The following ARMH1 variants were observed in gnomAD, a reference collection of about 807,000 sequenced individuals.
ARMH1 encodes armadillo like helical domain containing 1.
A neutral mutation model predicts 50.2 loss-of-function variants in ARMH1; 34 were observed. The ratio of observed to expected loss-of-function variants is 0.68; its 90% CI spans 0.51 to 0.90. The LOEUF (loss-of-function observed/expected upper bound fraction) is 0.90, where lower values mean the gene tolerates loss of function less well. ARMH1 is among the 40% of genes least tolerant of loss of function. ARMH1 has a pLI of 0.00. For synonymous variants in ARMH1, 221 were observed against 224.2 expected, an observed-to-expected ratio of 0.99 and a Z score of 0.13; for missense variants, 538 against 553.9, an observed-to-expected ratio of 0.97 and a Z score of 0.29.
chr1:44,681,062 T>A lies in ARMH1; in HGVS notation c.-23+6189T>A, dbSNP rs1024306444. ...CAGGCTGGAGTGTAGTGGCGTGATC[T>A]CGGCTCACTGCAAGCTCCACCTCCC... On this transcript the variant is annotated intron_variant, in intron 1 of 11. Coordinates refer to ENST00000535358, the MANE Select transcript of ARMH1 (RefSeq NM_001145636.2). This position sits in a 1 kb window ranked among gnomAD's most constrained non-coding sequence, Gnocchi z 4.3. Among the ~76,000 whole-genome samples, 1 of 150,604 alleles carries A rather than the reference T, an allele frequency of 6.6e-6. No individual in the cohort carries two copies. Among genetic ancestry groups the A allele is most frequent in the Non-Finnish European group, 1.5e-5 (1 of 67,742 alleles).
chr1:44,686,619 T>C (rs60476008), intron 1 of ARMH1, among the ~76,000 whole-genome samples: 5,886 of 152,088 alleles, frequency 0.039, 285 homozygotes, highest in East Asian at 0.15. Context: ...GAGGCTGCAG[T>C]GAGCCAAGAT....
At chr1:44,721,258 C>T (rs1322883394) in intron 6 of ARMH1, among the ~76,000 whole-genome samples, 1 of 151,970 alleles carries the variant, frequency 6.6e-6, no homozygotes, top group Non-Finnish European at 1.5e-5. Flanking sequence ...TGAATGTGGA[C>T]AAAGGTAGTC....
intron 5 of ARMH1, among the ~76,000 whole-genome samples, chr1:44,702,747 AAG>A (rs1400044454): frequency 3.9e-5 from 6 of 151,918 alleles, no homozygotes; most frequent in Admixed American, 3.9e-4. Context: ...AAGAAAAAGA[AAG>A]AGGGCAATGA....
intron 6 of ARMH1, among the ~76,000 whole-genome samples, chr1:44,722,998 C>T (rs1647589974): frequency 6.6e-6 from 1 of 151,722 alleles, no homozygotes; most frequent in Admixed American, 6.6e-5. Context: ...TTGCTTGAAC[C>T]CAGGAGGCGG....
chr1:44,721,900 A>G lies in ARMH1; in HGVS notation c.725-2222A>G, dbSNP rs1315462463. ...TATTCGTTATGAAGAGAAACCAGAG[A>G]TCTGCCTGTTAGCCTTTTGCCTGGC... On this transcript the variant is annotated intron_variant, in intron 6 of 11. Transcript: ENST00000535358. 5.9e-5 allele frequency: 9 copies of G among 152,220 alleles called. No homozygotes were observed. In the South Asian group the frequency reaches 1.0e-3, roughly 18 times the overall value. The allele number at this position is 152,220 out of a possible 1,614,324, so 9.4% of individuals were successfully genotyped here.
intron 2 of ARMH1, among the ~76,000 whole-genome samples, chr1:44,695,216 T>G (rs1645786435): frequency 6.6e-6 from 1 of 152,224 alleles, no homozygotes; most frequent in Admixed American, 6.5e-5. Context: ...GACAAGTTAT[T>G]GACCTGAGAT....
At chr1:44,700,096 C>T (rs1270813970) in intron 4 of ARMH1, among the ~76,000 whole-genome samples, 1 of 152,018 alleles carries the variant, frequency 6.6e-6, no homozygotes, top group Non-Finnish European at 1.5e-5. Context: ...TCCCATAGTG[C>T]TGGGATTACA....
intron 6 of ARMH1, among the ~76,000 whole-genome samples, chr1:44,713,717 C>G (rs1194441877): frequency 2.0e-5 from 3 of 152,058 alleles, no homozygotes; most frequent in Non-Finnish European, 2.9e-5. Context: ...TGCATCCTGC[C>G]CTTGCCTTAT....
chr1:44,704,622 C>G (rs565466502), intron 6 of ARMH1, among the ~76,000 whole-genome samples: 1 of 151,696 alleles, frequency 6.6e-6, no homozygotes, highest in South Asian at 2.1e-4. Flanking sequence ...AGATATTCTC[C>G]CTCCTCAACC....
intron 2 of ARMH1, among the ~76,000 whole-genome samples, chr1:44,691,074 C>A (rs1488195714): frequency 1.3e-5 from 2 of 151,942 alleles, no homozygotes; most frequent in Non-Finnish European, 2.9e-5. Context: ...GCCTGGCCAA[C>A]AAGGGAAACC....
At chr1:44,708,465 G>A (rs773738411) in intron 6 of ARMH1, among the ~76,000 whole-genome samples, 2 of 152,154 alleles carry the variant, frequency 1.3e-5, no homozygotes, top group Non-Finnish European at 2.9e-5. Flanking sequence ...ACCAGACACC[G>A]GGGTTTTGTG....
At chr1:44,685,146 T>A (rs1645426642) in intron 1 of ARMH1, among the ~76,000 whole-genome samples, 1 of 152,160 alleles carries the variant, frequency 6.6e-6, no homozygotes, top group African/African-American at 2.4e-5. Flanking sequence ...ACCAAGGGCC[T>A]ACTATAGTAA....
intron 1 of ARMH1, among the ~76,000 whole-genome samples, chr1:44,676,588 G>A (rs897186546): frequency 7.9e-5 from 12 of 152,198 alleles, no homozygotes; most frequent in Admixed American, 4.6e-4. Context: ...GCCAAGGAAG[G>A]AAAGTGTTGA....
Position 44,724,494 on chromosome 1 carries a change from CG to C in ARMH1, c.921-42del, listed in dbSNP as rs1477103344. 7 of 1,510,472 alleles carry C rather than the reference CG, an allele frequency of 4.6e-6. No homozygotes were observed. Among genetic ancestry groups the C allele is most frequent in the Non-Finnish European group, 6.2e-6 (7 of 1,132,978 alleles). 93.6% of individuals were successfully genotyped at this position (1,510,472 alleles called of 1,614,324 possible). A position where few individuals can be genotyped will look rare whatever the true frequency, so the allele number is the denominator to read the frequency against. ...GCGCCGGGTGGGCGGGGGTGTGCGC[CG>C]GGTGAGCCCCAGGGCGTCGCCCCAG... On this transcript the variant is annotated intron_variant, in intron 8 of 11. Transcript: ENST00000535358. The surrounding 1 kb of genome is among the most constrained non-coding windows in gnomAD (Gnocchi z 6.4).
chr1:44,712,655 TTTC>T (rs887836132), intron 6 of ARMH1, among the ~76,000 whole-genome samples: 5 of 151,498 alleles, frequency 3.3e-5, no homozygotes, highest in Non-Finnish European at 7.4e-5. Context: ...TACATCAGGA[TTTC>T]TTCTTTTTTC....
At chr1:44,712,413 G>A (rs1028620925) in intron 6 of ARMH1, among the ~76,000 whole-genome samples, 2 of 151,754 alleles carry the variant, frequency 1.3e-5, no homozygotes, top group Non-Finnish European at 2.9e-5. Flanking sequence ...AGCCGAGATC[G>A]TGCCACAGCA....
In ARMH1 at chr1:44,682,174, T is replaced by A. The variant is rs939254544; in HGVS notation, c.-23+7301T>A. Among the ~76,000 whole-genome samples, 3 of 152,224 alleles carry A rather than the reference T, an allele frequency of 2.0e-5. No homozygotes were observed. The highest frequency in any genetic ancestry group is 4.4e-5 in the Non-Finnish European group (3 of 68,038). ...CACATTCTGAGCACAGTGTGTTGGA[T>A]GTCAGTTTAAATAACACTTATTGAG... On this transcript the variant is annotated intron_variant, in intron 1 of 11. Transcript: ENST00000535358. The surrounding 1 kb of genome is among the most constrained non-coding windows in gnomAD (Gnocchi z 4.5).
chr1:44,700,555 G>T (rs944484904), intron 4 of ARMH1, among the ~76,000 whole-genome samples: 1 of 149,252 alleles, frequency 6.7e-6, no homozygotes, highest in African/African-American at 2.5e-5. Flanking sequence ...GGCAGAGGTT[G>T]CAGTGAGCCG....
Position 44,681,821 on chromosome 1 carries a change from T to A in ARMH1, c.-23+6948T>A, listed in dbSNP as rs201315658. Among the ~76,000 whole-genome samples, 6 of 152,178 alleles carry A rather than the reference T, an allele frequency of 3.9e-5. No homozygotes were observed. The East Asian group carries it at 1.2e-3, about 29-fold the overall frequency. ...GGAATTGTAGACTTCATAGGTGGGA[T>A]GGTGCTAGCCAGTCACAGATTTGGG... On this transcript the variant is annotated intron_variant, in intron 1 of 11. Coordinates refer to ENST00000535358, the MANE Select transcript of ARMH1 (RefSeq NM_001145636.2). The surrounding 1 kb of genome is among the most constrained non-coding windows in gnomAD (Gnocchi z 4.3).
Sources: gnomAD v4.1 joint callset for allele counts (sites outside exome capture counted in the v4.1 genomes callset) on GRCh38, gnomAD v4.1.1 for gene constraint, Gnocchi (gnomAD v3.1) non-coding constraint, MANE v1.5 for transcripts, NCBI Gene and HGNC (gene_info 2026-07-23, HGNC 2026-07-21) for gene names.